Variants in ARHGEF7 observed in about 807,000 individuals in gnomAD.
ARHGEF7 encodes Rho guanine nucleotide exchange factor 7.
Under a neutral mutation model 109.8 loss-of-function variants are expected in ARHGEF7, and 33 were observed. That is an observed-to-expected ratio of 0.30 (90% CI 0.23 to 0.40). The LOEUF (loss-of-function observed/expected upper bound fraction) is 0.40, where lower values mean the gene tolerates loss of function less well. Among genes scored for constraint, ARHGEF7 ranks in the 10% least tolerant of loss-of-function variants. ARHGEF7 has a pLI of 1.00. For missense variants in ARHGEF7, 938 were observed against 1,098.5 expected (o/e 0.85, Z 2.07); for synonymous variants, 458 against 424.6 (o/e 1.08, Z -0.97).
chr13:111,158,357 A>G (rs1260377253), intron 2 of ARHGEF7, among the ~76,000 whole-genome samples: 2 of 152,240 alleles, frequency 1.3e-5, no homozygotes, highest in African/African-American at 2.4e-5. Flanking sequence ...AATAAAGCCA[A>G]TTTGTCAAGT....
At chr13:111,204,261 G>T (rs1484102676) in intron 2 of ARHGEF7, among the ~76,000 whole-genome samples, 1 of 152,214 alleles carries the variant, frequency 6.6e-6, no homozygotes, top group Non-Finnish European at 1.5e-5. Flanking sequence ...GACAGCCCTG[G>T]AGAGAAGGTG....
At chr13:111,265,652 A>G in intron 8 of ARHGEF7, 2 of 456,642 alleles carry the variant, frequency 4.4e-6, no homozygotes, top group South Asian at 3.1e-5. Flanking sequence ...TGTGGTCTGA[A>G]TGTGTTTCCC....
intron 21 of ARHGEF7, among the ~76,000 whole-genome samples, chr13:111,301,745 T>C (rs1241812900): frequency 6.6e-6 from 1 of 152,040 alleles, no homozygotes; most frequent in African/African-American, 2.4e-5. Flanking sequence ...ATACGAAAAT[T>C]AGCTGGGCAT....
At chr13:111,156,537 T>G (rs1434525077) in intron 2 of ARHGEF7, among the ~76,000 whole-genome samples, 1 of 152,212 alleles carries the variant, frequency 6.6e-6, no homozygotes, top group African/African-American at 2.4e-5. Context: ...GTCATTGTGT[T>G]TTTTGGGAAG....
chr13:111,180,613 G>C (rs1371774932), intron 2 of ARHGEF7, among the ~76,000 whole-genome samples: 2 of 152,204 alleles, frequency 1.3e-5, no homozygotes, highest in Non-Finnish European at 2.9e-5. Flanking sequence ...AAGCTGAGAT[G>C]TAGAGAGGTT....
chr13:111,301,368 G>T (rs186965888), intron 20 of ARHGEF7, 110 bp from the exon 21 acceptor site: 19 of 899,186 alleles, frequency 2.1e-5, no homozygotes, highest in Non-Finnish European at 3.4e-5. Flanking sequence ...GGGTAAGGCA[G>T]AGCAGCTCCG....
At chr13:111,226,756 G>A (rs977645674) in intron 5 of ARHGEF7, among the ~76,000 whole-genome samples, 3 of 152,120 alleles carry the variant, frequency 2.0e-5, no homozygotes, top group Non-Finnish European at 4.4e-5. Context: ...TTAGATTTTT[G>A]GGTCTTAGCA....
intron 2 of ARHGEF7, among the ~76,000 whole-genome samples, chr13:111,177,393 T>C (rs1239132102): frequency 3.9e-5 from 6 of 152,206 alleles, no homozygotes; most frequent in African/African-American, 1.2e-4. Flanking sequence ...TCAAGGCCCA[T>C]TGGTCATTCT....
chr13:111,295,668 A>G (rs888027380), intron 19 of ARHGEF7, among the ~76,000 whole-genome samples: 2 of 152,192 alleles, frequency 1.3e-5, no homozygotes, highest in Non-Finnish European at 2.9e-5. Flanking sequence ...AAATGTAGAA[A>G]ACTCTCTCAG....
chr13:111,244,048 T>C, intron 7 of ARHGEF7, 82 bp downstream of exon 7: 2 of 1,340,424 alleles, frequency 1.5e-6, no homozygotes, highest in Non-Finnish European at 2.1e-6. Context: ...GAATAGAGGG[T>C]TAAATAGTGA....
intron 1 of ARHGEF7, among the ~76,000 whole-genome samples, chr13:111,153,145 C>T (rs977861059): frequency 1.3e-5 from 2 of 152,244 alleles, no homozygotes; most frequent in East Asian, 1.9e-4. Context: ...TAAGTCATTG[C>T]ATTAGAATAG....
chr13:111,222,389 G>T (rs2084561885), intron 5 of ARHGEF7, among the ~76,000 whole-genome samples: 1 of 152,048 alleles, frequency 6.6e-6, no homozygotes, highest in East Asian at 1.9e-4. Context: ...TAAGCATATT[G>T]TATGGAAAGT....
At position 111,221,092 on chromosome 13, in the gene ARHGEF7, G is replaced by C. The variant is rs149851672; in HGVS notation, c.670+3212G>C. Among the ~76,000 whole-genome samples the C allele has an allele frequency of 7.7e-4, 109 of 141,992 alleles. 1 individual carries two copies. The East Asian group carries it at 0.018, about 23-fold the overall frequency. 93.2% of individuals were successfully genotyped at this position (141,992 alleles called of 152,430 possible). The stretch of plus-strand genomic sequence containing the variant: ...ATATATACATATACATCCCCCTATT[G>C]TGGGACCTTGTGATCATGTAAGTTA... On this transcript the variant is annotated intron_variant, in intron 5 of 21. Transcript: ENST00000646102.
intron 2 of ARHGEF7, among the ~76,000 whole-genome samples, chr13:111,156,613 T>C (rs191974765): frequency 7.9e-5 from 12 of 152,328 alleles, no homozygotes; most frequent in Admixed American, 2.6e-4. Flanking sequence ...TAAGGTGATG[T>C]GAAGGGACAG....
chr13:111,296,094 G>A (rs145976968), intron 19 of ARHGEF7, among the ~76,000 whole-genome samples: 379 of 152,356 alleles, frequency 2.5e-3, no homozygotes, highest in African/African-American at 8.2e-3. Flanking sequence ...ACAGCCAAGC[G>A]TGGTGGTCGC....
At position 111,239,255 on chromosome 13, in the gene ARHGEF7, T is replaced by TATCATA. The variant is rs1237315313; in HGVS notation, c.760-4617_760-4616insATCATA. On this transcript the variant is annotated intron_variant, in intron 6 of 21. Transcript: ENST00000646102. This position sits in a 1 kb window ranked among gnomAD's most constrained non-coding sequence, Gnocchi z 4.3. ...CCAAACCATATCACTTTCCCTGTTA[T>TATCATA]TTAGAGCATTATTATAATACTGTGA... Among the ~76,000 whole-genome samples, 13 of 152,210 alleles carry TATCATA rather than the reference T, an allele frequency of 8.5e-5. No individual in the cohort carries two copies. Among genetic ancestry groups the TATCATA allele is most frequent in the African/African-American group, 3.1e-4 (13 of 41,450 alleles).
intron 2 of ARHGEF7, among the ~76,000 whole-genome samples, chr13:111,193,445 C>T (rs1200927609): frequency 6.6e-6 from 1 of 152,268 alleles, no homozygotes; most frequent in Non-Finnish European, 1.5e-5. Flanking sequence ...AAGACTGCCA[C>T]CTCCTTGGGT....
chr13:111,253,585 A>G (rs2090052907), intron 8 of ARHGEF7, among the ~76,000 whole-genome samples: 1 of 152,158 alleles, frequency 6.6e-6, no homozygotes, highest in Admixed American at 6.5e-5. Flanking sequence ...AACAGTGGAG[A>G]TAGCAGGATT....
At chr13:111,225,587 C>T (rs183424265) in intron 5 of ARHGEF7, among the ~76,000 whole-genome samples, 8 of 152,046 alleles carry the variant, frequency 5.3e-5, no homozygotes, top group Admixed American at 1.3e-4. Context: ...ACCATGTGCC[C>T]ACTTGTCCCA....
Sources: gnomAD v4.1 joint callset for allele counts (sites outside exome capture counted in the v4.1 genomes callset) on GRCh38, gnomAD v4.1.1 for gene constraint, Gnocchi (gnomAD v3.1) non-coding constraint, MANE v1.5 for transcripts, NCBI Gene and HGNC (gene_info 2026-07-23, HGNC 2026-07-21) for gene names.